GBF1: variants seen among roughly 807,000 people sequenced by gnomAD.
The protein encoded by GBF1 is golgi brefeldin A resistant guanine nucleotide exchange factor 1.
In GBF1, 114 loss-of-function variants were observed where a neutral mutation model predicts 210.5. The observed-to-expected ratio is 0.54, with a 90% confidence interval of 0.47 to 0.63. The LOEUF (loss-of-function observed/expected upper bound fraction) is 0.63, where lower values mean the gene tolerates loss of function less well. Ranked by LOEUF, GBF1 falls within the 30% of genes least tolerant of loss-of-function variation. The pLI is 0.00. For missense variants in GBF1, 1,851 were observed against 2,357.7 expected, an observed-to-expected ratio of 0.79 and a Z score of 4.45; for synonymous variants, 850 against 889.2, an observed-to-expected ratio of 0.96 and a Z score of 0.78.
rs754659512 is a variant in GBF1 at position 102,380,584 on chromosome 10, C to T, written c.5071C>T (p.Arg1691Trp). The T allele has an allele frequency of 2.7e-5, 43 of 1,613,900 alleles. No homozygotes were observed. In the East Asian group the frequency reaches 2.9e-4, roughly 11 times the overall value. ...TAEIFHSADA[R>W]GGGPSALWEI... Reference sequence around the variant, plus strand: ...GGAGATTTTCCACAGTGCAGATGCACGGGGAGGCGGCCCCTCGGCCCTCTG... The same window carrying T: ...GGAGATTTTCCACAGTGCAGATGCATGGGGAGGCGGCCCCTCGGCCCTCTG... The change falls in exon 38 of 40, where the codon CGG (arginine) becomes TGG (tryptophan). Residue 1691 changes from arginine (R) to tryptophan (W), a missense_variant. Coordinates refer to ENST00000369983, the MANE Select transcript of GBF1 (RefSeq NM_001377137.1).
intron 3 of GBF1, among the ~76,000 whole-genome samples, chr10:102,319,426 C>T (rs2056178831): frequency 6.6e-6 from 1 of 152,130 alleles, no homozygotes; most frequent in Non-Finnish European, 1.5e-5. Context: ...TCAAGTTTTC[C>T]CTTCCTTTTG....
At chr10:102,274,688 G>A (rs1489062408) in intron 3 of GBF1, among the ~76,000 whole-genome samples, 1 of 136,904 alleles carries the variant, frequency 7.3e-6, no homozygotes, top group South Asian at 2.4e-4. Flanking sequence ...GTCTACAGGT[G>A]CAAAACAAAG....
intron 3 of GBF1, among the ~76,000 whole-genome samples, chr10:102,310,140 A>G (rs2078281486): frequency 6.6e-6 from 1 of 152,232 alleles, no homozygotes; most frequent in African/African-American, 2.4e-5. Context: ...GATAGGGTAC[A>G]TATGTTTCGC....
intron 1 of GBF1, among the ~76,000 whole-genome samples, chr10:102,250,242 G>A (rs1161170426): frequency 1.3e-5 from 2 of 152,088 alleles, no homozygotes; most frequent in Non-Finnish European, 2.9e-5. Context: ...CACCCAAGCT[G>A]GAATGCAGTG....
intron 1 of GBF1, among the ~76,000 whole-genome samples, 173 bp downstream of exon 1, chr10:102,245,954 G>A (rs566817236): frequency 6.6e-6 from 1 of 152,282 alleles, no homozygotes; most frequent in Non-Finnish European, 1.5e-5. Context: ...GAGGTATGCA[G>A]GGGCAAAGGT....
At chr10:102,345,751 A>T (rs1339207602) in intron 4 of GBF1, among the ~76,000 whole-genome samples, 1 of 152,018 alleles carries the variant, frequency 6.6e-6, no homozygotes, top group Admixed American at 6.6e-5. Flanking sequence ...AATATATATA[A>T]AACTTGCTAT....
At chr10:102,262,001 C>T (rs2073297004) in intron 3 of GBF1, among the ~76,000 whole-genome samples, 1 of 152,200 alleles carries the variant, frequency 6.6e-6, no homozygotes, top group Non-Finnish European at 1.5e-5. Flanking sequence ...TCTTCTGCCT[C>T]AGCCTCCTGA....
intron 3 of GBF1, among the ~76,000 whole-genome samples, chr10:102,308,261 G>A (rs1197101524): frequency 1.4e-5 from 2 of 144,260 alleles, no homozygotes; most frequent in African/African-American, 5.1e-5. Flanking sequence ...AAATGGATAA[G>A]TAAAATGTGA....
chr10:102,346,113 C>T lies in GBF1; in HGVS notation c.295+1931C>T, dbSNP rs193166357. ...TTTTAATTTTTATTTTTAGTAGAGA[C>T]GGGGTTTCACCATTTTGTGCCACCA... is the stretch of plus-strand genomic sequence containing the variant. On this transcript the variant is annotated intron_variant, in intron 4 of 39. Transcript: ENST00000369983. Among the ~76,000 whole-genome samples, 14 of 151,998 alleles carry T rather than the reference C, an allele frequency of 9.2e-5. No homozygotes were observed. In the East Asian group the frequency reaches 1.4e-3, roughly 15 times the overall value.
chr10:102,275,301 T>G lies in GBF1; in HGVS notation c.163+15185T>G, dbSNP rs1044748960. Among the ~76,000 whole-genome samples, 37 of 152,294 alleles carry G rather than the reference T, an allele frequency of 2.4e-4. 1 individual carries two copies. In the East Asian group the frequency reaches 6.2e-3, roughly 25 times the overall value. On this transcript the variant is annotated intron_variant, in intron 3 of 39. Coordinates refer to ENST00000369983, the MANE Select transcript of GBF1 (RefSeq NM_001377137.1). ...TACTACCTTTAGCCCAAGGGTCTCATGTGAGGAAAGTAGTACCAAAACCCT... is the reference window on the plus strand; with the variant it reads ...TACTACCTTTAGCCCAAGGGTCTCAGGTGAGGAAAGTAGTACCAAAACCCT...
At chr10:102,303,530 G>T (rs892034034) in intron 3 of GBF1, among the ~76,000 whole-genome samples, 1 of 152,118 alleles carries the variant, frequency 6.6e-6, no homozygotes, top group Non-Finnish European at 1.5e-5. Flanking sequence ...ACTTTCTACT[G>T]CTATGGCTGC....
intron 8 of GBF1, among the ~76,000 whole-genome samples, chr10:102,355,253 A>G (rs2059226453): frequency 6.6e-6 from 1 of 152,176 alleles, no homozygotes; most frequent in African/African-American, 2.4e-5. Context: ...GTGTATGTAC[A>G]CCTAGCTAGA....
intron 31 of GBF1, 23 bp from the exon 32 acceptor site, chr10:102,376,537 C>T: frequency 1.9e-6 from 3 of 1,613,566 alleles, no homozygotes; most frequent in Non-Finnish European, 2.5e-6. Context: ...CCTGTGTCCC[C>T]AGCTCCTCTG....
chr10:102,274,924 C>G (rs1358828159), intron 3 of GBF1, among the ~76,000 whole-genome samples: 1 of 151,486 alleles, frequency 6.6e-6, no homozygotes, highest in African/African-American at 2.4e-5. Context: ...GTTGGCCAGG[C>G]TGGTCTTGAA....
At chr10:102,269,880 A>AT (rs776817923) in intron 3 of GBF1, among the ~76,000 whole-genome samples, 2,719 of 141,810 alleles carry the variant, frequency 0.019, 19 homozygotes, top group Middle Eastern at 0.029. Context: ...ATTCTCTCCA[A>AT]TTTTTTTTTT....
chr10:102,339,820 C>A (rs1565129427), intron 3 of GBF1, among the ~76,000 whole-genome samples: 1 of 152,242 alleles, frequency 6.6e-6, no homozygotes, highest in African/African-American at 2.4e-5. Flanking sequence ...GGGTCTTACT[C>A]TGTCACCCCA....
At chr10:102,324,260 G>A (rs1437675262) in intron 3 of GBF1, among the ~76,000 whole-genome samples, 5 of 152,258 alleles carry the variant, frequency 3.3e-5, no homozygotes, top group South Asian at 4.1e-4. Context: ...CACTATGGAC[G>A]TTGCTCAACA....
At chr10:102,358,314 T>G (rs2059406214) in intron 9 of GBF1, 128 bp downstream of exon 9, 1 of 933,510 alleles carries the variant, frequency 1.1e-6, no homozygotes, top group Non-Finnish European at 1.6e-6. Context: ...AAAGGGAAAC[T>G]CCAGGTCAAA....
At chr10:102,260,618 C>T (rs2073082322) in intron 3 of GBF1, among the ~76,000 whole-genome samples, 1 of 151,390 alleles carries the variant, frequency 6.6e-6, no homozygotes, top group South Asian at 2.1e-4. Context: ...GCTGGGATTA[C>T]AGGCGCGTGC....
Sources: allele counts gnomAD v4.1 joint callset (sites outside exome capture counted in the v4.1 genomes callset), GRCh38; gene constraint gnomAD v4.1.1; transcripts MANE v1.5; gene names NCBI Gene and HGNC (gene_info 2026-07-23, HGNC 2026-07-21).